MCPH1: variants seen among roughly 807,000 people sequenced by gnomAD.
The protein encoded by MCPH1 is microcephalin 1.
In MCPH1, 104 loss-of-function variants were observed where a neutral mutation model predicts 84.5. The ratio of observed to expected loss-of-function variants is 1.23; its 90% CI spans 1.05 to 1.45. The LOEUF is 1.45. Among genes scored for constraint, MCPH1 ranks in the 40% most tolerant of loss-of-function variants. The probability of loss-of-function intolerance (pLI) is 0.00; values close to 1 mark genes in which losing one functional copy is unlikely to be tolerated. For synonymous variants in MCPH1, 514 were observed against 366.8 expected, an observed-to-expected ratio of 1.40 and a Z score of -4.58; for missense variants, 1,498 against 1,005.7, an observed-to-expected ratio of 1.49 and a Z score of -6.62.
At position 6,472,698 on chromosome 8, in the gene MCPH1, C is replaced by T. The variant is rs531537670; in HGVS notation, c.1936-4896C>T. On this transcript the variant is annotated intron_variant, in intron 9 of 13. Transcript: ENST00000344683. The stretch of plus-strand genomic sequence containing the variant: ...GTCCAGGCTGGTCTCGAACTCCTGA[C>T]CTCAGGTAATCCACCCGCCTCGGCT... Among the ~76,000 whole-genome samples, 662 of 152,238 alleles carry T rather than the reference C, an allele frequency of 4.3e-3. 2 individuals are homozygous for T. The highest frequency in any genetic ancestry group is 0.015 in the African/African-American group (635 of 41,532).
At chr8:6,417,706 C>A (rs186560041) in intron 3 of MCPH1, among the ~76,000 whole-genome samples, 65 of 152,110 alleles carry the variant, frequency 4.3e-4, no homozygotes, top group Non-Finnish European at 8.1e-4. Flanking sequence ...TTCCTGTCTT[C>A]GGTTATGAGT....
intron 12 of MCPH1, among the ~76,000 whole-genome samples, chr8:6,613,352 C>T (rs948790934): frequency 2.0e-5 from 3 of 152,160 alleles, no homozygotes; most frequent in Non-Finnish European, 2.9e-5. Flanking sequence ...CAGATTCACC[C>T]GCGGCGATGC....
chr8:6,625,765 C>T (rs1832010264), intron 13 of MCPH1: 1 of 979,926 alleles, frequency 1.0e-6, no homozygotes, highest in Non-Finnish European at 1.2e-6. Context: ...GCCTAGGCAA[C>T]AGAGCAAGAC....
At chr8:6,630,780 C>G (rs1384283899) in intron 13 of MCPH1, among the ~76,000 whole-genome samples, 9 of 106,208 alleles carry the variant, frequency 8.5e-5, no homozygotes, top group Admixed American at 2.0e-4. Context: ...AAACTCTGTC[C>G]TAAAAAAAAA....
chr8:6,518,692 A>G (rs1483515516), intron 12 of MCPH1, among the ~76,000 whole-genome samples: 1 of 152,176 alleles, frequency 6.6e-6, no homozygotes, highest in Admixed American at 6.5e-5. Flanking sequence ...AGCCTCGAAA[A>G]TTTCCACTTT....
At chr8:6,521,301 T>C in intron 12 of MCPH1, 2 of 1,613,850 alleles carry the variant, frequency 1.2e-6, no homozygotes, top group Non-Finnish European at 1.7e-6. Flanking sequence ...TCTTCAATGA[T>C]GGAATTTTGC....
At chr8:6,504,449 G>A (rs1017904439) in intron 12 of MCPH1, among the ~76,000 whole-genome samples, 9 of 151,960 alleles carry the variant, frequency 5.9e-5, no homozygotes, top group African/African-American at 1.9e-4. Flanking sequence ...GTGGATCCAC[G>A]CTGTCTACAT....
chr8:6,448,991 T>A (rs951636712), intron 8 of MCPH1, among the ~76,000 whole-genome samples: 1 of 152,120 alleles, frequency 6.6e-6, no homozygotes, highest in African/African-American at 2.4e-5. Context: ...ATAAAATAAT[T>A]TGTGGTGGGG....
At chr8:6,416,368 G>A (rs1799302442) in intron 3 of MCPH1, among the ~76,000 whole-genome samples, 1 of 152,184 alleles carries the variant, frequency 6.6e-6, no homozygotes, top group Admixed American at 6.5e-5. Flanking sequence ...TGGTGAGAAT[G>A]GACGTCCTTG....
chr8:6,487,680 A>T (rs867933157), intron 11 of MCPH1, among the ~76,000 whole-genome samples: 1 of 152,194 alleles, frequency 6.6e-6, no homozygotes, highest in Admixed American at 6.5e-5. Context: ...GCAGACATTT[A>T]TTGCTCGCAC....
intron 12 of MCPH1, among the ~76,000 whole-genome samples, chr8:6,609,104 T>A (rs1434795010): frequency 6.6e-6 from 1 of 152,254 alleles, no homozygotes; most frequent in South Asian, 2.1e-4. Context: ...TTTACAAATT[T>A]CTATGCCACC....
chr8:6,628,315 A>G (rs532923572), intron 13 of MCPH1, among the ~76,000 whole-genome samples: 24 of 152,010 alleles, frequency 1.6e-4, no homozygotes, highest in Non-Finnish European at 1.8e-4. Context: ...TTAAAAATAC[A>G]GAAAAATTAG....
intron 13 of MCPH1, chr8:6,642,675 C>T: frequency 2.3e-6 from 1 of 437,928 alleles, no homozygotes; most frequent in Non-Finnish European, 4.2e-6. Flanking sequence ...GCTCCTATGT[C>T]ACAGACTGGC....
At chr8:6,518,653 A>C (rs985597982) in intron 12 of MCPH1, among the ~76,000 whole-genome samples, 3 of 152,174 alleles carry the variant, frequency 2.0e-5, no homozygotes, top group African/African-American at 7.2e-5. Flanking sequence ...TTAGGATAAT[A>C]CTCAATTTAA....
chr8:6,426,562 G>A (rs983666772), intron 3 of MCPH1, among the ~76,000 whole-genome samples: 5 of 152,262 alleles, frequency 3.3e-5, no homozygotes, highest in Non-Finnish European at 5.9e-5. Context: ...TTGTAGGCAT[G>A]TAGCTTGGTG....
intron 9 of MCPH1, among the ~76,000 whole-genome samples, chr8:6,460,993 T>A (rs1334122278): frequency 3.9e-5 from 6 of 152,274 alleles, no homozygotes; most frequent in African/African-American, 1.2e-4. Context: ...CCACTTAACT[T>A]TTCTAAATAG....
chr8:6,557,557 T>C (rs543543386), intron 12 of MCPH1, among the ~76,000 whole-genome samples: 14 of 152,092 alleles, frequency 9.2e-5, no homozygotes, highest in Non-Finnish European at 1.8e-4. Context: ...AGAGAATAGG[T>C]GTTGGCTGTC....
chr8:6,622,124 T>G (rs1464084257), intron 13 of MCPH1: 1 of 292,064 alleles, frequency 3.4e-6, no homozygotes, highest in Admixed American at 4.4e-5. Flanking sequence ...CAGGTACATC[T>G]CATGATCACT....
chr8:6,507,200 A>G (rs1030361325), intron 12 of MCPH1, among the ~76,000 whole-genome samples: 1 of 152,090 alleles, frequency 6.6e-6, no homozygotes, highest in Non-Finnish European at 1.5e-5. Flanking sequence ...GCCCAGCCCT[A>G]TTAATGATTC....
Sources: gnomAD v4.1 joint callset for allele counts (sites outside exome capture counted in the v4.1 genomes callset) on GRCh38, gnomAD v4.1.1 for gene constraint, MANE v1.5 for transcripts, NCBI Gene and HGNC (gene_info 2026-07-23, HGNC 2026-07-21) for gene names.